The following NXPE2 variants were observed in gnomAD, a reference collection of about 807,000 sequenced individuals.
NXPE2 encodes the protein NXPE family member 2.
In NXPE2, 34 loss-of-function variants were observed where a neutral mutation model predicts 34.4. That is an observed-to-expected ratio of 0.99 (90% CI 0.75 to 1.31). The LOEUF is 1.31. NXPE2 is among the 40% of genes most tolerant of loss of function. The pLI, the probability that NXPE2 is intolerant of heterozygous loss-of-function variation, is 0.00. For missense variants in NXPE2, 649 were observed against 672.5 expected (o/e 0.97, Z 0.39); for synonymous variants, 235 against 231.3 (o/e 1.02, Z -0.15).
At chr11:114,726,568 ACTTT>A in the NXPE2 span, among the ~76,000 whole-genome samples, 1 of 152,046 alleles carries the variant, frequency 6.6e-6, no homozygotes, top group African/African-American at 2.4e-5. Context: ...TGTCAAATAT[ACTTT>A]CTTAGTTTTT....
chr11:114,721,886 T>C, the NXPE2 span, among the ~76,000 whole-genome samples: 1 of 151,764 alleles, frequency 6.6e-6, no homozygotes, highest in Admixed American at 6.6e-5. Context: ...TAGATAGAAA[T>C]AGAACAGGGG....
the NXPE2 span, among the ~76,000 whole-genome samples, chr11:114,516,822 C>T: frequency 6.6e-6 from 1 of 152,098 alleles, no homozygotes; most frequent in African/African-American, 2.4e-5. Flanking sequence ...TCTCTTCTGC[C>T]TCTCTGAGCC....
the NXPE2 span, among the ~76,000 whole-genome samples, chr11:114,779,471 G>A: frequency 6.6e-6 from 1 of 152,162 alleles, no homozygotes; most frequent in South Asian, 2.1e-4. Flanking sequence ...GGTGCCAGGA[G>A]CCACTTGGAG....
At chr11:114,747,344 G>T in the NXPE2 span, among the ~76,000 whole-genome samples, 1 of 151,836 alleles carries the variant, frequency 6.6e-6, no homozygotes, top group Admixed American at 6.6e-5. Context: ...AATCACCACA[G>T]CAGGGAAACA....
intron 3 of NXPE2, among the ~76,000 whole-genome samples, chr11:114,700,484 A>G (rs113965365): frequency 2.0e-5 from 3 of 152,152 alleles, no homozygotes; most frequent in African/African-American, 7.2e-5. Flanking sequence ...ATGTTCTAGG[A>G]ACCATGGTGG....
chr11:114,699,778 A>G (rs759673772), intron 3 of NXPE2, among the ~76,000 whole-genome samples: 3 of 144,486 alleles, frequency 2.1e-5, no homozygotes, highest in Admixed American at 1.5e-4. Flanking sequence ...AGTGTTAACT[A>G]CTTTTCACCA....
chr11:114,555,465 T>C, the NXPE2 span, among the ~76,000 whole-genome samples: 1 of 152,200 alleles, frequency 6.6e-6, no homozygotes, highest in Non-Finnish European at 1.5e-5. Flanking sequence ...GACCTTGTGA[T>C]CTGCCTGCCT....
chr11:114,628,218 T>A, the NXPE2 span, among the ~76,000 whole-genome samples: 1 of 143,750 alleles, frequency 7.0e-6, no homozygotes, highest in Non-Finnish European at 1.5e-5. Context: ...AGAATATACA[T>A]TTTTTTCAGC....
At chr11:114,511,689 G>A in the NXPE2 span, among the ~76,000 whole-genome samples, 1 of 152,176 alleles carries the variant, frequency 6.6e-6, no homozygotes, top group Admixed American at 6.5e-5. Context: ...TTGGAGGTGG[G>A]GCCTGGTGAA....
chr11:114,810,734 T>C, the NXPE2 span, among the ~76,000 whole-genome samples: 3 of 152,188 alleles, frequency 2.0e-5, no homozygotes, highest in African/African-American at 4.8e-5. Context: ...TTTCACATTG[T>C]TGGTGGGACT....
At chr11:114,492,875 T>G in the NXPE2 span, among the ~76,000 whole-genome samples, 2 of 152,226 alleles carry the variant, frequency 1.3e-5, no homozygotes, top group Non-Finnish European at 2.9e-5. Context: ...TCTGTCTGGA[T>G]GATCTGTCCA....
At chr11:114,701,396 C>A (rs577298581) in intron 3 of NXPE2, among the ~76,000 whole-genome samples, 2 of 152,154 alleles carry the variant, frequency 1.3e-5, no homozygotes, top group Non-Finnish European at 2.9e-5. Flanking sequence ...CCTAGTCTGG[C>A]AGACTGGCAC....
chr11:114,550,740 A>T, the NXPE2 span, among the ~76,000 whole-genome samples: 2 of 152,332 alleles, frequency 1.3e-5, no homozygotes, highest in African/African-American at 2.4e-5. Context: ...TAACTTTTGC[A>T]TGGAAAAGGA....
At chr11:114,495,964 A>G in the NXPE2 span, among the ~76,000 whole-genome samples, 1 of 152,046 alleles carries the variant, frequency 6.6e-6, no homozygotes, top group African/African-American at 2.4e-5. Context: ...TGCAAGCTGC[A>G]CTGCTTGGGG....
At chr11:114,600,717 A>C in the NXPE2 span, among the ~76,000 whole-genome samples, 2 of 152,054 alleles carry the variant, frequency 1.3e-5, no homozygotes, top group East Asian at 3.8e-4. Flanking sequence ...TAAAATCCAA[A>C]AAAAGTCTGT....
the NXPE2 span, among the ~76,000 whole-genome samples, chr11:114,668,260 G>A: frequency 6.6e-6 from 1 of 151,988 alleles, no homozygotes; most frequent in African/African-American, 2.4e-5. Flanking sequence ...ACTAGAGGGA[G>A]ACTTCTGGAG....
chr11:114,493,091 A>G, the NXPE2 span, among the ~76,000 whole-genome samples: 2 of 152,090 alleles, frequency 1.3e-5, no homozygotes, highest in Middle Eastern at 3.4e-3. Flanking sequence ...TTTTGTCTTG[A>G]AATCTATTTT....
intron 2 of NXPE2, among the ~76,000 whole-genome samples, chr11:114,685,106 G>A (rs1565381584): frequency 6.6e-6 from 1 of 152,148 alleles, no homozygotes; most frequent in South Asian, 2.1e-4. Flanking sequence ...TGGAGAACAA[G>A]ATATCTTAGG....
At chr11:114,470,223 G>C in the NXPE2 span, among the ~76,000 whole-genome samples, 3 of 152,126 alleles carry the variant, frequency 2.0e-5, no homozygotes, top group African/African-American at 7.2e-5. Context: ...GAATGGAATG[G>C]CTGGGTTATA....
Sources: gnomAD v4.1 joint callset for allele counts (sites outside exome capture counted in the v4.1 genomes callset) on GRCh38, gnomAD v4.1.1 for gene constraint, MANE v1.5 for transcripts, NCBI Gene and HGNC (gene_info 2026-07-23, HGNC 2026-07-21) for gene names.